AXL: variants seen among roughly 807,000 people sequenced by gnomAD.
The protein encoded by AXL is tyrosine-protein kinase receptor UFO.
In AXL, 52 loss-of-function variants were observed where a neutral mutation model predicts 104.5. The observed-to-expected ratio is 0.50, with a 90% CI of 0.40 to 0.63. The LOEUF is 0.63. Among genes scored for constraint, AXL ranks in the 20% least tolerant of loss-of-function variants. The pLI, the probability that AXL is intolerant of heterozygous loss-of-function variation, is 0.00. For synonymous variants in AXL, 455 were observed against 473.7 expected, an observed-to-expected ratio of 0.96 and a Z score of 0.51; for missense variants, 1,024 against 1,188.5, an observed-to-expected ratio of 0.86 and a Z score of 2.04.
intron 6 of AXL, among the ~76,000 whole-genome samples, chr19:41,235,365 AATAAATAGATAG>A (rs904634188): frequency 7.8e-5 from 7 of 89,172 alleles, no homozygotes; most frequent in African/African-American, 3.9e-4. Flanking sequence ...TAAATAAATA[AATAAATAGATAG>A]ATAGATAGAT....
chr19:41,249,353 A>G (rs559268998), intron 14 of AXL, among the ~76,000 whole-genome samples: 1 of 152,230 alleles, frequency 6.6e-6, no homozygotes, highest in African/African-American at 2.4e-5. Flanking sequence ...TACTTGGGAC[A>G]CTGAGGTGGG....
chr19:41,219,582 G>A lies in AXL; in HGVS notation c.85+105G>A, dbSNP rs1354589772. 5.9e-6 allele frequency: 8 copies of A among 1,349,344 alleles called. No homozygotes were observed. The East Asian group carries it at 1.8e-4, about 30-fold the overall frequency. 83.6% of individuals were successfully genotyped at this position (1,349,344 alleles called of 1,614,324 possible). ...GTGTGGGGGGCCTGGGCTGGCTTAG[G>A]GAGTTTCCTTGGGACCACAGAAAAG... On this transcript the variant is annotated intron_variant, in intron 1 of 19. Coordinates refer to ENST00000301178, the MANE Select transcript of AXL (RefSeq NM_021913.5).
chr19:41,260,005 CT>C lies in AXL; in HGVS notation c.*103del. 9.0e-7 allele frequency: 1 copy of C among 1,108,616 alleles called. No individual in the cohort carries two copies. The highest frequency in any genetic ancestry group is 1.3e-6 in the Non-Finnish European group (1 of 794,298). The allele number at this position is 1,108,616 out of a possible 1,614,324, so 68.7% of individuals were successfully genotyped here. A position where few individuals can be genotyped will look rare whatever the true frequency, so the allele number is the denominator to read the frequency against. On this transcript the variant is annotated 3_prime_UTR_variant, in exon 20 of 20. Transcript: ENST00000301178. ...TTTCCCACCCCACGCCTTATCCCCA[CT>C]TGCAGCCCTGTCTTCCTACCTATCC...
chr19:41,239,762 A>G (rs937240757), intron 10 of AXL, 42 bp downstream of exon 10: 5 of 1,610,606 alleles, frequency 3.1e-6, no homozygotes, highest in Non-Finnish European at 4.2e-6. Context: ...CCTACCCTCA[A>G]CACCTAGTGG....
At chr19:41,256,654 T>C (rs781320795) in intron 18 of AXL, 43 bp downstream of exon 18, 2 of 1,603,428 alleles carry the variant, frequency 1.2e-6, no homozygotes, top group Non-Finnish European at 1.7e-6. Flanking sequence ...TGGGAGGGCA[T>C]GGCCTGACCA....
At chr19:41,259,351 C>T (rs1051408560) in intron 19 of AXL, among the ~76,000 whole-genome samples, 1 of 152,104 alleles carries the variant, frequency 6.6e-6, no homozygotes, top group Non-Finnish European at 1.5e-5. Context: ...AGACCCTTCC[C>T]AGCTCCTGAG....
chr19:41,238,362 G>T, intron 7 of AXL, 108 bp from the exon 8 acceptor site: 1 of 1,538,024 alleles, frequency 6.5e-7, no homozygotes, highest in Non-Finnish European at 8.8e-7. Context: ...AGGCCTGCAC[G>T]AGTTGCCCAC....
chr19:41,223,721 G>A (rs1364404843), intron 4 of AXL, among the ~76,000 whole-genome samples: 1 of 152,116 alleles, frequency 6.6e-6, no homozygotes, highest in Non-Finnish European at 1.5e-5. Flanking sequence ...CCCATGGCTC[G>A]AGTGGCTGAG....
chr19:41,249,722 C>G (rs1294495002), intron 14 of AXL, among the ~76,000 whole-genome samples: 1 of 151,882 alleles, frequency 6.6e-6, no homozygotes, highest in Non-Finnish European at 1.5e-5. Context: ...TGCCACTGCC[C>G]TCCAGCCTGG....
intron 12 of AXL, 73 bp from the exon 13 acceptor site, chr19:41,248,441 C>A: frequency 1.4e-6 from 2 of 1,384,254 alleles, no homozygotes; most frequent in Non-Finnish European, 1.0e-6. Context: ...TGGATCTATC[C>A]CTACTGGTGG....
At chr19:41,249,206 G>A (rs554067121) in intron 14 of AXL, among the ~76,000 whole-genome samples, 18 of 151,752 alleles carry the variant, frequency 1.2e-4, no homozygotes, top group African/African-American at 2.7e-4. Flanking sequence ...TTGGGAGGCC[G>A]AGGCAGCAGA....
chr19:41,230,106 C>T (rs1369253374), intron 4 of AXL, among the ~76,000 whole-genome samples: 6 of 151,446 alleles, frequency 4.0e-5, no homozygotes, highest in African/African-American at 7.3e-5. Context: ...TCTAGGTGTA[C>T]GAATCTGTGT....
chr19:41,248,487 C>T, intron 12 of AXL, 27 bp from the exon 13 acceptor site: 1 of 1,610,630 alleles, frequency 6.2e-7, no homozygotes, highest in Non-Finnish European at 8.5e-7. Flanking sequence ...TGCTCCATGA[C>T]TCTGTCCACC....
intron 16 of AXL, 43 bp from the exon 17 acceptor site, chr19:41,253,556 A>G: frequency 1.4e-6 from 2 of 1,392,312 alleles, no homozygotes; most frequent in Non-Finnish European, 2.0e-6. Context: ...GATCGCATCA[A>G]GGACTCTGTT....
chr19:41,253,058 AC>A, intron 16 of AXL, 91 bp downstream of exon 16: 1 of 1,417,462 alleles, frequency 7.1e-7, no homozygotes, highest in Non-Finnish European at 9.6e-7. Context: ...GACCACGGTG[AC>A]CAGGAGCTTG....
chr19:41,238,370 C>T, intron 7 of AXL, 100 bp from the exon 8 acceptor site: 3 of 1,549,934 alleles, frequency 1.9e-6, no homozygotes, highest in Non-Finnish European at 2.6e-6. Context: ...ACGAGTTGCC[C>T]ACGTGTGTGC....
chr19:41,227,567 C>A (rs1361239908), intron 4 of AXL, among the ~76,000 whole-genome samples: 2 of 151,202 alleles, frequency 1.3e-5, no homozygotes. Flanking sequence ...CTCACTGCAA[C>A]CTCCGCAGCC....
chr19:41,234,101 C>A (rs996939707), intron 6 of AXL, among the ~76,000 whole-genome samples: 2 of 152,068 alleles, frequency 1.3e-5, no homozygotes, highest in Non-Finnish European at 2.9e-5. Flanking sequence ...CCTCCTCGTA[C>A]CCACCATCTG....
chr19:41,230,843 C>A, intron 4 of AXL, 124 bp from the exon 5 acceptor site: 1 of 948,774 alleles, frequency 1.1e-6, no homozygotes, highest in Non-Finnish European at 1.7e-6. Flanking sequence ...TCCCTTCAGG[C>A]AAGTGCCTGT....
Sources: allele counts gnomAD v4.1 joint callset (sites outside exome capture counted in the v4.1 genomes callset), GRCh38; gene constraint gnomAD v4.1.1; transcripts MANE v1.5; gene names NCBI Gene and HGNC (gene_info 2026-07-23, HGNC 2026-07-21).